CHCHD6: variants seen among roughly 807,000 people sequenced by gnomAD.
CHCHD6 encodes the protein MICOS complex subunit MIC25.
A neutral mutation model predicts 32.3 loss-of-function variants in CHCHD6; 28 were observed. The observed-to-expected ratio is 0.87, with a 90% CI of 0.64 to 1.19. The LOEUF (loss-of-function observed/expected upper bound fraction) is 1.19. CHCHD6 is among the 50% of genes most tolerant of loss of function. The probability of loss-of-function intolerance (pLI) is 0.00; values close to 1 mark genes in which losing one functional copy is unlikely to be tolerated. For missense variants in CHCHD6, 333 were observed against 307.0 expected, an observed-to-expected ratio of 1.08 and a Z score of -0.63; for synonymous variants, 122 against 117.5, an observed-to-expected ratio of 1.04 and a Z score of -0.25.
chr3:126,860,459 G>A (rs550752799), intron 5 of CHCHD6, among the ~76,000 whole-genome samples: 1 of 151,616 alleles, frequency 6.6e-6, no homozygotes, highest in Non-Finnish European at 1.5e-5. Context: ...GTTGGGGAAA[G>A]GGGGGAGGGA....
intron 5 of CHCHD6, among the ~76,000 whole-genome samples, chr3:126,869,986 C>A (rs1401672058): frequency 6.6e-6 from 1 of 152,130 alleles, no homozygotes; most frequent in Non-Finnish European, 1.5e-5. Context: ...CTGTTGTCTC[C>A]CCAGCTGGCG....
At chr3:126,795,011 G>A (rs1313447007) in intron 4 of CHCHD6, among the ~76,000 whole-genome samples, 1 of 151,906 alleles carries the variant, frequency 6.6e-6, no homozygotes, top group Non-Finnish European at 1.5e-5. Context: ...TTTTTTGAGT[G>A]AAAATATTCT....
intron 4 of CHCHD6, among the ~76,000 whole-genome samples, chr3:126,758,346 T>A (rs1326106376): frequency 6.6e-6 from 1 of 152,248 alleles, no homozygotes; most frequent in Admixed American, 6.5e-5. Context: ...TCTGTATGTT[T>A]AATTATGTAA....
chr3:126,843,896 A>G (rs1482401273), intron 4 of CHCHD6, among the ~76,000 whole-genome samples: 1 of 152,156 alleles, frequency 6.6e-6, no homozygotes, highest in African/African-American at 2.4e-5. Context: ...AAATCCTTCA[A>G]CATGCTTACA....
intron 6 of CHCHD6, among the ~76,000 whole-genome samples, chr3:126,940,740 G>A (rs1173201268): frequency 3.3e-5 from 5 of 152,274 alleles, no homozygotes; most frequent in Middle Eastern, 3.4e-3. Context: ...TTTTTTCAAA[G>A]CATCTTTACT....
intron 4 of CHCHD6, among the ~76,000 whole-genome samples, chr3:126,790,318 G>A (rs1012876201): frequency 7.9e-5 from 12 of 152,122 alleles, no homozygotes; most frequent in South Asian, 4.2e-4. Context: ...TGCTCTTCTC[G>A]AGGAGTATCT....
intron 4 of CHCHD6, among the ~76,000 whole-genome samples, chr3:126,821,857 C>A (rs1455938357): frequency 6.6e-6 from 1 of 152,154 alleles, no homozygotes; most frequent in African/African-American, 2.4e-5. Context: ...TGCTTATTGA[C>A]CATTTATATA....
At chr3:126,743,669 T>G (rs1329482720) in intron 4 of CHCHD6, among the ~76,000 whole-genome samples, 1 of 152,064 alleles carries the variant, frequency 6.6e-6, no homozygotes, top group Non-Finnish European at 1.5e-5. Flanking sequence ...GGCCTCTGAG[T>G]GCCCACTGGA....
intron 5 of CHCHD6, among the ~76,000 whole-genome samples, chr3:126,864,540 T>TCTCCACCTCCTCCTCCTC (rs1559890073): frequency 1.2e-3 from 91 of 75,690 alleles, no homozygotes; most frequent in Admixed American, 2.2e-3. Context: ...TCCTCCTCCT[T>TCTCCACCTCCTCCTCCTC]CTCCACCTCC....
At chr3:126,948,111 C>T (rs1453121784) in intron 6 of CHCHD6, among the ~76,000 whole-genome samples, 2 of 152,236 alleles carry the variant, frequency 1.3e-5, no homozygotes, top group Admixed American at 6.5e-5. Context: ...CATTCCTGCC[C>T]ATCCCCGCTC....
intron 6 of CHCHD6, among the ~76,000 whole-genome samples, chr3:126,949,052 G>T (rs1263559217): frequency 7.2e-5 from 11 of 152,254 alleles, no homozygotes; most frequent in Admixed American, 2.0e-4. Context: ...TGTGAAGTCA[G>T]TGCATTAATA....
intron 6 of CHCHD6, among the ~76,000 whole-genome samples, chr3:126,941,993 AC>A (rs1214407369): frequency 6.6e-6 from 1 of 152,194 alleles, no homozygotes; most frequent in Non-Finnish European, 1.5e-5. Flanking sequence ...TTCATATGGA[AC>A]AGTTCCTTAC....
chr3:126,728,580 T>C (rs1405422131), intron 2 of CHCHD6, among the ~76,000 whole-genome samples: 1 of 152,142 alleles, frequency 6.6e-6, no homozygotes, highest in Admixed American at 6.5e-5. Flanking sequence ...GCTCACTTAC[T>C]CCCCACGCTG....
intron 6 of CHCHD6, among the ~76,000 whole-genome samples, chr3:126,944,061 A>G (rs928057399): frequency 6.6e-6 from 1 of 152,278 alleles, no homozygotes; most frequent in Non-Finnish European, 1.5e-5. Flanking sequence ...CAAACAGTGC[A>G]TGAAAGGAAG....
intron 4 of CHCHD6, among the ~76,000 whole-genome samples, chr3:126,747,883 G>A (rs1453761641): frequency 6.6e-6 from 1 of 152,164 alleles, no homozygotes; most frequent in Non-Finnish European, 1.5e-5. Flanking sequence ...CTGGATGGTT[G>A]GGTTCTCATG....
chr3:126,872,035 T>C (rs973256625), intron 5 of CHCHD6, among the ~76,000 whole-genome samples: 1 of 152,198 alleles, frequency 6.6e-6, no homozygotes, highest in African/African-American at 2.4e-5. Context: ...CTCTTATCTC[T>C]CTTATGTCTT....
intron 2 of CHCHD6, among the ~76,000 whole-genome samples, chr3:126,729,945 G>A (rs929264652): frequency 3.3e-5 from 5 of 152,192 alleles, no homozygotes; most frequent in Admixed American, 1.3e-4. Context: ...GTATCAGCAA[G>A]TGGTGGGGAG....
intron 4 of CHCHD6, among the ~76,000 whole-genome samples, chr3:126,828,201 A>G (rs1057294313): frequency 3.9e-5 from 6 of 152,128 alleles, no homozygotes; most frequent in African/African-American, 1.4e-4. Context: ...TCGTGGTTTC[A>G]GTTATCTTCT....
intron 6 of CHCHD6, among the ~76,000 whole-genome samples, chr3:126,940,601 A>G (rs1031811236): frequency 6.6e-6 from 1 of 152,238 alleles, no homozygotes; most frequent in African/African-American, 2.4e-5. Context: ...AAACATATGC[A>G]TACAGGTTTA....
Sources: allele counts gnomAD v4.1 joint callset (sites outside exome capture counted in the v4.1 genomes callset), GRCh38; gene constraint gnomAD v4.1.1; transcripts MANE v1.5; gene names NCBI Gene and HGNC (gene_info 2026-07-23, HGNC 2026-07-21).